Variants in SYN2 observed in about 807,000 individuals in gnomAD.
SYN2 encodes synapsin II.
SYN2 carries 19 observed loss-of-function variants against 50.9 expected under a neutral mutation model. The ratio of observed to expected loss-of-function variants is 0.37; its 90% confidence interval spans 0.26 to 0.55. SYN2 has a LOEUF of 0.55. Among genes scored for constraint, SYN2 ranks in the 20% least tolerant of loss-of-function variants. SYN2 has a pLI of 0.81. For missense variants in SYN2, 587 were observed against 576.4 expected (o/e 1.02, Z -0.19); for synonymous variants, 255 against 224.9 (o/e 1.13, Z -1.20).
chr3:12,028,874 A>G (rs1430060606), intron 1 of SYN2, among the ~76,000 whole-genome samples: 1 of 121,954 alleles, frequency 8.2e-6, no homozygotes, highest in Non-Finnish European at 1.7e-5. Context: ...GAAGCTCTTT[A>G]GTTTAATTAG....
intron 4 of SYN2, among the ~76,000 whole-genome samples, chr3:12,146,493 T>G (rs1366090749): frequency 2.6e-5 from 4 of 152,214 alleles, no homozygotes; most frequent in Non-Finnish European, 4.4e-5. Flanking sequence ...TTTCTGAGAT[T>G]TTTCTGTTAA....
chr3:12,062,474 A>G (rs1358200034), intron 1 of SYN2, among the ~76,000 whole-genome samples: 1 of 152,094 alleles, frequency 6.6e-6, no homozygotes, highest in Non-Finnish European at 1.5e-5. Flanking sequence ...CACCAAAAAC[A>G]TAATCTGTGA....
intron 1 of SYN2, among the ~76,000 whole-genome samples, chr3:12,122,115 C>T (rs772236892): frequency 1.6e-4 from 24 of 152,130 alleles, no homozygotes; most frequent in Admixed American, 4.6e-4. Context: ...GATGAATGAC[C>T]GAACAACTGG....
At chr3:12,163,407 A>AC (rs530047537) in intron 7 of SYN2, among the ~76,000 whole-genome samples, 13 of 144,806 alleles carry the variant, frequency 9.0e-5, no homozygotes, top group East Asian at 2.1e-4. Flanking sequence ...TTCTTCTCTT[A>AC]CCCCCCCTTT....
At chr3:12,153,319 G>T in intron 5 of SYN2, 1 of 626,504 alleles carries the variant, frequency 1.6e-6, no homozygotes, top group Non-Finnish European at 2.8e-6. Context: ...GGTTTGGGAG[G>T]CAGGGGCAAC....
chr3:12,011,786 G>A (rs1693916008), intron 1 of SYN2, among the ~76,000 whole-genome samples: 1 of 152,128 alleles, frequency 6.6e-6, no homozygotes, highest in African/African-American at 2.4e-5. Context: ...TATATATCAG[G>A]CACTGTTCAA....
intron 1 of SYN2, among the ~76,000 whole-genome samples, chr3:12,052,295 C>CT (rs1694882236): frequency 6.6e-6 from 1 of 151,000 alleles, no homozygotes; most frequent in East Asian, 2.0e-4. Context: ...CTATTCATTT[C>CT]TTTTTTTCTT....
Position 12,102,194 on chromosome 3 carries a change from G to A in SYN2, c.378-38457G>A, listed in dbSNP as rs563083640. Among the ~76,000 whole-genome samples, 159 of 152,212 alleles carry A rather than the reference G, an allele frequency of 1.0e-3. 2 individuals are homozygous for A. In the South Asian group the frequency reaches 0.028, roughly 27 times the overall value. ...GGCTTTTTAAAAGACCAGGTAAAGT[G>A]ATGGTTTTGTTTTAGAAATACTACC... On this transcript the variant is annotated intron_variant, in intron 1 of 12. Transcript: ENST00000621198.
intron 1 of SYN2, among the ~76,000 whole-genome samples, chr3:12,139,611 A>G (rs1574961836): frequency 1.3e-5 from 2 of 152,194 alleles, no homozygotes; most frequent in South Asian, 4.1e-4. Flanking sequence ...ACTAAATGAG[A>G]TGTTCTTGAA....
chr3:12,017,072 A>G (rs936494044), intron 1 of SYN2, among the ~76,000 whole-genome samples: 4 of 152,122 alleles, frequency 2.6e-5, no homozygotes, highest in African/African-American at 9.7e-5. Flanking sequence ...TGATGGAAGA[A>G]TGGGATTTAG....
chr3:12,127,253 C>G (rs774728977), intron 1 of SYN2, among the ~76,000 whole-genome samples: 33 of 152,132 alleles, frequency 2.2e-4, no homozygotes, highest in Non-Finnish European at 7.4e-5. Flanking sequence ...AAAGGATGGA[C>G]AAATTCACTG....
At chr3:12,131,970 GCT>G (rs975629669) in intron 1 of SYN2, among the ~76,000 whole-genome samples, 3 of 150,876 alleles carry the variant, frequency 2.0e-5, no homozygotes, top group Admixed American at 6.6e-5. Flanking sequence ...GAGCCTGGTT[GCT>G]CTCTCTGATT....
At position 12,187,332 on chromosome 3, in the gene SYN2, T is replaced by C. The variant is rs1488368855; in HGVS notation, c.1370-37T>C. On this transcript the variant is annotated intron_variant, in intron 11 of 12. Transcript: ENST00000621198. Reference sequence around the variant, plus strand: ...ATTCTAATAAGGAAACATTTTTATATGGTTAAATTATGAAGTTTTTCTTGT... The same window carrying C: ...ATTCTAATAAGGAAACATTTTTATACGGTTAAATTATGAAGTTTTTCTTGT... 3 of 1,489,496 alleles carry C rather than the reference T, an allele frequency of 2.0e-6. No homozygotes were observed. The East Asian group carries it at 7.5e-5, about 37-fold the overall frequency. The allele number at this position is 1,489,496 out of a possible 1,614,324, so 92.3% of individuals were successfully genotyped here. A position where few individuals can be genotyped will look rare whatever the true frequency, so the allele number is the denominator to read the frequency against.
At chr3:12,108,186 T>C (rs1696238941) in intron 1 of SYN2, among the ~76,000 whole-genome samples, 1 of 152,014 alleles carries the variant, frequency 6.6e-6, no homozygotes, top group South Asian at 2.1e-4. Flanking sequence ...CTCGAGCCTG[T>C]CTCAAAAAAT....
At chr3:12,045,038 C>G (rs752521930) in intron 1 of SYN2, among the ~76,000 whole-genome samples, 6 of 152,114 alleles carry the variant, frequency 3.9e-5, no homozygotes, top group Non-Finnish European at 8.8e-5. Context: ...ATTAGAAAAT[C>G]TGATTATATG....
At chr3:12,118,355 G>C (rs956652996) in intron 1 of SYN2, among the ~76,000 whole-genome samples, 2 of 152,162 alleles carry the variant, frequency 1.3e-5, no homozygotes, top group Non-Finnish European at 2.9e-5. Flanking sequence ...CTAGAGCCCA[G>C]AGTTTGAAAC....
At chr3:12,015,881 A>G (rs1352710582) in intron 1 of SYN2, among the ~76,000 whole-genome samples, 2 of 152,176 alleles carry the variant, frequency 1.3e-5, no homozygotes, top group Non-Finnish European at 2.9e-5. Context: ...TCCCAAGCAC[A>G]ACTATAATCC....
rs569879165 is a variant in SYN2, at chr3:12,142,645, T to C, written c.527+649T>C. Among the ~76,000 whole-genome samples the C allele has an allele frequency of 2.2e-3, 339 of 152,296 alleles. 1 individual carries two copies. The highest frequency in any genetic ancestry group is 7.7e-3 in the African/African-American group (320 of 41,562). On this transcript the variant is annotated intron_variant, in intron 3 of 12. Transcript: ENST00000621198. Reference sequence around the variant, plus strand: ...ATGTGATGTTGTCATACTCACAGAATTTTGTGAGAGAGGTAATGAGAATTC... The same window carrying C: ...ATGTGATGTTGTCATACTCACAGAACTTTGTGAGAGAGGTAATGAGAATTC...
intron 1 of SYN2, among the ~76,000 whole-genome samples, chr3:12,139,446 A>G (rs1312985889): frequency 2.0e-5 from 3 of 152,164 alleles, no homozygotes; most frequent in Non-Finnish European, 4.4e-5. Flanking sequence ...TGCAGTGTGA[A>G]GGGCAGTGGT....
Sources: allele counts gnomAD v4.1 joint callset (sites outside exome capture counted in the v4.1 genomes callset), GRCh38; gene constraint gnomAD v4.1.1; transcripts MANE v1.5; gene names NCBI Gene and HGNC (gene_info 2026-07-23, HGNC 2026-07-21).